PRKCH: variants seen among roughly 807,000 people sequenced by gnomAD.
PRKCH encodes the protein protein kinase C eta type.
Under a neutral mutation model 82.5 loss-of-function variants are expected in PRKCH, and 28 were observed. The ratio of observed to expected loss-of-function variants is 0.34; its 90% CI spans 0.25 to 0.47. PRKCH has a LOEUF of 0.47. Ranked by LOEUF, PRKCH falls within the 20% of genes least tolerant of loss-of-function variation. The probability of loss-of-function intolerance (pLI) is 1.00; values close to 1 mark genes in which losing one functional copy is unlikely to be tolerated. For synonymous variants in PRKCH, 322 were observed against 327.4 expected (o/e 0.98, Z 0.18); for missense variants, 705 against 881.8 (o/e 0.80, Z 2.54).
intron 2 of PRKCH, among the ~76,000 whole-genome samples, chr14:61,441,680 C>A (rs1305875881): frequency 2.0e-5 from 3 of 150,102 alleles, no homozygotes; most frequent in Non-Finnish European, 3.0e-5. Context: ...TCATGTGTTA[C>A]AAGTCCTCTT....
At chr14:61,260,652 A>AT (rs544842437) in intron 1 of PRKCH, among the ~76,000 whole-genome samples, 9 of 152,160 alleles carry the variant, frequency 5.9e-5, no homozygotes, top group South Asian at 2.1e-4. Flanking sequence ...CAAAAGGATG[A>AT]TTTTTTTTCT....
At position 61,292,642 on chromosome 14, in the gene PRKCH, G is replaced by A. The variant is rs145436314; in HGVS notation, c.-19+104974G>A. ...AAAAATTAGCCAGGCATAGTGGTGCGTGCCTGTAGTCCCAGCTACTCAGGA... is the reference window on the plus strand; with the variant it reads ...AAAAATTAGCCAGGCATAGTGGTGCATGCCTGTAGTCCCAGCTACTCAGGA... On this transcript the variant is annotated intron_variant, in intron 1 of 3. Coordinates refer to the PRKCH transcript ENST00000555185. Among the ~76,000 whole-genome samples, 1,470 of 151,982 alleles carry A rather than the reference G, an allele frequency of 9.7e-3. 81 individuals are homozygous for A. The highest frequency in any genetic ancestry group is 0.09 in the Admixed American group (1,371 of 15,250).
Position 61,199,922 on chromosome 14 carries a change from T to A in PRKCH, c.-19+12254T>A, listed in dbSNP as rs1054804625. Among the ~76,000 whole-genome samples the A allele has an allele frequency of 2.9e-4, 44 of 152,264 alleles. 1 individual carries two copies. Among genetic ancestry groups the A allele is most frequent in the Non-Finnish European group, 4.4e-5 (3 of 68,050 alleles). On this transcript the variant is annotated intron_variant, in intron 1 of 3. Coordinates refer to the PRKCH transcript ENST00000555185. ...CTGCCAAGATGTACAGAGTGGTACA[T>A]CTAAAGCTAGTTATGATACACAAGC...
intron 1 of PRKCH, among the ~76,000 whole-genome samples, chr14:61,296,803 T>C (rs1253470623): frequency 3.3e-5 from 5 of 152,216 alleles, no homozygotes; most frequent in Non-Finnish European, 5.9e-5. Flanking sequence ...AGGAACCCTA[T>C]GTATTATAGT....
chr14:61,281,426 G>A (rs2045265640), intron 1 of PRKCH: 1 of 295,664 alleles, frequency 3.4e-6, no homozygotes, highest in Non-Finnish European at 6.6e-6. Flanking sequence ...CCCTTCCGAG[G>A]TGAGCAGGTG....
At chr14:61,303,402 T>C (rs575556060) in intron 1 of PRKCH, 32 of 152,336 alleles carry the variant, frequency 2.1e-4, no homozygotes, top group African/African-American at 7.2e-4. Flanking sequence ...ATTTTTTATG[T>C]CTTCATGATG....
At chr14:61,503,907 T>C (rs1289917338) in intron 10 of PRKCH, among the ~76,000 whole-genome samples, 1 of 152,172 alleles carries the variant, frequency 6.6e-6, no homozygotes, top group Non-Finnish European at 1.5e-5. Flanking sequence ...GATATAACTC[T>C]AGAATCAAAA....
intron 1 of PRKCH, among the ~76,000 whole-genome samples, chr14:61,195,906 C>T (rs901832900): frequency 6.6e-6 from 1 of 152,156 alleles, no homozygotes; most frequent in African/African-American, 2.4e-5. Context: ...TGTAGAAGCA[C>T]CCTGGGGGTT....
chr14:61,244,482 G>A (rs1267214804), intron 1 of PRKCH, among the ~76,000 whole-genome samples: 2 of 152,156 alleles, frequency 1.3e-5, no homozygotes, highest in Non-Finnish European at 1.5e-5. Context: ...ATCATCTTAG[G>A]AAATCACTGT....
chr14:61,401,300 A>T (rs910640687), intron 2 of PRKCH, among the ~76,000 whole-genome samples: 4 of 152,228 alleles, frequency 2.6e-5, no homozygotes, highest in African/African-American at 9.6e-5. Context: ...CATAGGTATG[A>T]TAGCTCTATT....
At chr14:61,485,696 T>G (rs779299283) in intron 10 of PRKCH, 40 bp downstream of exon 10, 2 of 1,590,794 alleles carry the variant, frequency 1.3e-6, no homozygotes, top group Non-Finnish European at 1.7e-6. Context: ...ATTCACTGCC[T>G]CTTCCCTCTC....
intron 1 of PRKCH, among the ~76,000 whole-genome samples, chr14:61,188,402 A>C (rs948123936): frequency 1.3e-5 from 2 of 152,112 alleles, no homozygotes; most frequent in African/African-American, 2.4e-5. Context: ...CGCGGCTCTC[A>C]GGCAGTTCTG....
intron 1 of PRKCH, among the ~76,000 whole-genome samples, chr14:61,351,968 C>T (rs192955081): frequency 1.3e-5 from 2 of 152,266 alleles, no homozygotes; most frequent in Admixed American, 1.3e-4. Flanking sequence ...TCTGTGCTCC[C>T]TAACGGAGAA....
At chr14:61,192,222 C>T (rs1480909989) in intron 1 of PRKCH, among the ~76,000 whole-genome samples, 1 of 151,760 alleles carries the variant, frequency 6.6e-6, no homozygotes, top group Non-Finnish European at 1.5e-5. Context: ...CTGGATTTTC[C>T]CTCTCTATTC....
chr14:61,352,821 A>T (rs1051038805), intron 1 of PRKCH, among the ~76,000 whole-genome samples: 23 of 152,242 alleles, frequency 1.5e-4, no homozygotes, highest in African/African-American at 5.5e-4. Context: ...TGAAATGAGA[A>T]TGATAATAGT....
intron 9 of PRKCH, among the ~76,000 whole-genome samples, chr14:61,482,831 G>A (rs1886041332): frequency 6.6e-6 from 1 of 152,236 alleles, no homozygotes; most frequent in Non-Finnish European, 1.5e-5. Flanking sequence ...AGCAAGACTA[G>A]AGGGCAGGAT....
intron 1 of PRKCH, among the ~76,000 whole-genome samples, chr14:61,258,533 C>T (rs1442444321): frequency 2.6e-5 from 4 of 152,048 alleles, no homozygotes; most frequent in African/African-American, 7.2e-5. Flanking sequence ...ACATACCCAC[C>T]CAGTGCCACA....
chr14:61,368,965 C>T (rs939653836), intron 1 of PRKCH, among the ~76,000 whole-genome samples: 4 of 152,058 alleles, frequency 2.6e-5, no homozygotes, highest in African/African-American at 9.7e-5. Context: ...CACTGGGAAA[C>T]AGTGATCCTG....
intron 2 of PRKCH, among the ~76,000 whole-genome samples, chr14:61,414,184 C>T (rs993603170): frequency 3.3e-5 from 5 of 152,128 alleles, no homozygotes; most frequent in African/African-American, 7.2e-5. Context: ...TCCACTCCTC[C>T]GTCTATATCT....
Sources: allele counts gnomAD v4.1 joint callset (sites outside exome capture counted in the v4.1 genomes callset), GRCh38; gene constraint gnomAD v4.1.1; transcripts MANE v1.5; gene names NCBI Gene and HGNC (gene_info 2026-07-23, HGNC 2026-07-21).